The following NEGR1 variants were observed in gnomAD, a reference collection of about 807,000 sequenced individuals.
The protein encoded by NEGR1 is IgLON family member 4.
A neutral mutation model predicts 40.9 loss-of-function variants in NEGR1; 10 were observed. That is an observed-to-expected ratio of 0.24 (90% confidence interval 0.15 to 0.42). NEGR1 has a LOEUF of 0.42. NEGR1 is among the 10% of genes least tolerant of loss of function. NEGR1 has a pLI of 1.00. For synonymous variants in NEGR1, 185 were observed against 166.8 expected, an observed-to-expected ratio of 1.11 and a Z score of -0.84; for missense variants, 352 against 438.9, an observed-to-expected ratio of 0.80 and a Z score of 1.77.
At chr1:72,205,203 T>C (rs1488282594) in intron 1 of NEGR1, among the ~76,000 whole-genome samples, 1 of 152,050 alleles carries the variant, frequency 6.6e-6, no homozygotes, top group African/African-American at 2.4e-5. Flanking sequence ...AGGGTCAACT[T>C]GTAGTGACTA....
In NEGR1 at chr1:71,966,288, G is replaced by A. The variant is rs79778940; in HGVS notation, c.177-30977C>T. Among the ~76,000 whole-genome samples, 579 of 152,218 alleles carry A rather than the reference G, an allele frequency of 3.8e-3. 3 individuals are homozygous for A. The highest frequency in any genetic ancestry group is 0.013 in the African/African-American group (557 of 41,528). ...TAGTTAATCTGACAAACTTATTCAA[G>A]TTACAGCTTTAAATATTAACTTAAC... is the stretch of plus-strand genomic sequence containing the variant. On this transcript the variant is annotated intron_variant, in intron 1 of 6. Transcript: ENST00000357731.
At chr1:72,130,875 T>G (rs190679687) in intron 1 of NEGR1, among the ~76,000 whole-genome samples, 18 of 152,204 alleles carry the variant, frequency 1.2e-4, no homozygotes, top group East Asian at 7.7e-4. Context: ...AAAATATTTT[T>G]TGGATGAAAG....
intron 6 of NEGR1, among the ~76,000 whole-genome samples, chr1:71,572,956 C>T (rs1557571939): frequency 6.6e-6 from 1 of 152,162 alleles, no homozygotes; most frequent in Non-Finnish European, 1.5e-5. Context: ...AAGGAAAGTA[C>T]TCCTGGATAA....
chr1:71,682,385 T>C (rs563409335), intron 4 of NEGR1, among the ~76,000 whole-genome samples: 1 of 152,328 alleles, frequency 6.6e-6, no homozygotes, highest in African/African-American at 2.4e-5. Flanking sequence ...AGTTTATTTT[T>C]CTTGTCTGTT....
At chr1:72,278,381 G>A (rs1656130079) in intron 1 of NEGR1, among the ~76,000 whole-genome samples, 1 of 152,070 alleles carries the variant, frequency 6.6e-6, no homozygotes, top group South Asian at 2.1e-4. Flanking sequence ...GAAAAAATTA[G>A]CTTAAAAATA....
At chr1:72,171,516 G>A (rs1423930327) in intron 1 of NEGR1, among the ~76,000 whole-genome samples, 4 of 152,248 alleles carry the variant, frequency 2.6e-5, no homozygotes, top group African/African-American at 9.6e-5. Flanking sequence ...GAGATTCTAA[G>A]GGCTTTTGAA....
chr1:71,938,466 G>T, intron 1 of NEGR1, among the ~76,000 whole-genome samples: 1 of 122,382 alleles, frequency 8.2e-6, no homozygotes, highest in African/African-American at 3.1e-5. Context: ...TAAGAACTAT[G>T]TCTTCTTCCT....
intron 6 of NEGR1, among the ~76,000 whole-genome samples, chr1:71,531,564 ATAAGT>A (rs943698067): frequency 5.9e-5 from 9 of 151,384 alleles, no homozygotes; most frequent in Admixed American, 4.6e-4. Flanking sequence ...ATAAGTCTTT[ATAAGT>A]TAAAAGAAAA....
At chr1:71,408,452 A>G (rs1646293274) in intron 6 of NEGR1, among the ~76,000 whole-genome samples, 1 of 152,074 alleles carries the variant, frequency 6.6e-6, no homozygotes, top group Non-Finnish European at 1.5e-5. Flanking sequence ...TATATGGGGA[A>G]GTTCACATGG....
intron 1 of NEGR1, among the ~76,000 whole-genome samples, chr1:72,129,767 A>G (rs961140341): frequency 6.6e-6 from 1 of 152,226 alleles, no homozygotes; most frequent in Non-Finnish European, 1.5e-5. Context: ...AAAGTTGCTC[A>G]GAAGAAATAG....
intron 1 of NEGR1, among the ~76,000 whole-genome samples, chr1:72,236,705 C>T (rs1654559852): frequency 6.6e-6 from 1 of 151,866 alleles, no homozygotes; most frequent in South Asian, 2.1e-4. Context: ...TTTGGGGTCT[C>T]TTTTATTGAA....
chr1:71,810,518 GAGTTTACTGAA>G (rs1657962587), intron 2 of NEGR1, among the ~76,000 whole-genome samples: 1 of 152,074 alleles, frequency 6.6e-6, no homozygotes, highest in South Asian at 2.1e-4. Flanking sequence ...GCTTTTTAAT[GAGTTTACTGAA>G]AGAGCAATAT....
intron 1 of NEGR1, among the ~76,000 whole-genome samples, chr1:72,263,858 G>T (rs1446540468): frequency 6.6e-6 from 1 of 151,444 alleles, no homozygotes; most frequent in Non-Finnish European, 1.5e-5. Context: ...GGTGGGAAAA[G>T]ATTAATTTTC....
chr1:71,544,028 T>G (rs575810012), intron 6 of NEGR1, among the ~76,000 whole-genome samples: 16 of 151,746 alleles, frequency 1.1e-4, no homozygotes, highest in Non-Finnish European at 2.2e-4. Context: ...GAAGATGTAT[T>G]CATTGAGGCA....
intron 4 of NEGR1, among the ~76,000 whole-genome samples, chr1:71,664,637 A>G (rs1452488646): frequency 3.9e-5 from 6 of 152,190 alleles, no homozygotes; most frequent in African/African-American, 1.4e-4. Flanking sequence ...TGGTTTGAAC[A>G]GAATTTATAA....
At chr1:71,852,072 C>T (rs1659620774) in intron 2 of NEGR1, among the ~76,000 whole-genome samples, 1 of 152,198 alleles carries the variant, frequency 6.6e-6, no homozygotes, top group Non-Finnish European at 1.5e-5. Context: ...CATGTAGCTA[C>T]TGACAAACAT....
chr1:71,919,311 G>A (rs957405570), intron 2 of NEGR1, among the ~76,000 whole-genome samples: 23 of 152,098 alleles, frequency 1.5e-4, no homozygotes, highest in African/African-American at 5.3e-4. Flanking sequence ...ACCAAGGCTC[G>A]TTATCCTGAA....
At chr1:71,441,227 C>T (rs1220980452) in intron 6 of NEGR1, among the ~76,000 whole-genome samples, 1 of 152,202 alleles carries the variant, frequency 6.6e-6, no homozygotes, top group African/African-American at 2.4e-5. Flanking sequence ...AAGTTATCAA[C>T]TGATGTGAAA....
chr1:71,522,935 G>A (rs1439614781), intron 6 of NEGR1, among the ~76,000 whole-genome samples: 1 of 151,848 alleles, frequency 6.6e-6, no homozygotes, highest in Non-Finnish European at 1.5e-5. Context: ...CATGATCAGA[G>A]GCATAAAGTC....
Sources: allele counts gnomAD v4.1 joint callset (sites outside exome capture counted in the v4.1 genomes callset), GRCh38; gene constraint gnomAD v4.1.1; transcripts MANE v1.5; gene names NCBI Gene and HGNC (gene_info 2026-07-23, HGNC 2026-07-21).